CHD5: variants seen among roughly 807,000 people sequenced by gnomAD.
CHD5 encodes the protein ATP-dependent chromatin remodeler CHD5.
CHD5 carries 69 observed loss-of-function variants against 230.3 expected under a neutral mutation model. The ratio of observed to expected loss-of-function variants is 0.30; its 90% CI spans 0.25 to 0.37. The LOEUF (loss-of-function observed/expected upper bound fraction) is 0.37. Ranked by LOEUF, CHD5 falls within the 10% of genes least tolerant of loss-of-function variation. The pLI is 1.00. For synonymous variants in CHD5, 1,064 were observed against 1,065.9 expected (o/e 1.00, Z 0.03); for missense variants, 1,827 against 2,622.8 (o/e 0.70, Z 6.63).
chr1:6,112,130 A>G lies in CHD5; in HGVS notation c.5140+10T>C. On this transcript the variant is annotated intron_variant, in intron 35 of 41. Coordinates refer to ENST00000262450, the MANE Select transcript of CHD5 (RefSeq NM_015557.3). ...GCCTCAGCTCTCTGCCCAACCCCCA[A>G]CCCCAATACCCGTGAAGCCCCCGTC... 1 of 1,611,770 alleles carries G rather than the reference A, an allele frequency of 6.2e-7. No individual in the cohort carries two copies. The highest frequency in any genetic ancestry group is 8.5e-7 in the Non-Finnish European group (1 of 1,178,764).
rs1484112798 is a variant in CHD5, at chr1:6,119,862, A to ATT, written c.4912+1242_4912+1243insAA. Among the ~76,000 whole-genome samples, 371 of 127,066 alleles carry ATT rather than the reference A, an allele frequency of 2.9e-3. 2 individuals carry two copies. Among genetic ancestry groups the ATT allele is most frequent in the South Asian group, 7.4e-3 (27 of 3,648 alleles). 83.4% of individuals were successfully genotyped at this position (127,066 alleles called of 152,430 possible). Reference sequence around the variant, plus strand: ...ATATATGTGTGTATTATATATATATATATTTTTTTTTTTTCTGAGATTGAG... The same window carrying ATT: ...ATATATGTGTGTATTATATATATATATTTATTTTTTTTTTTTCTGAGATTGAG... On this transcript the variant is annotated intron_variant, in intron 33 of 41. Coordinates refer to ENST00000262450, the MANE Select transcript of CHD5 (RefSeq NM_015557.3).
At position 6,142,754 on chromosome 1, in the gene CHD5, A is replaced by C; in HGVS notation, c.2044-149T>G. ...AACTCTTCTCCAGTTCTTGGATGGAACACCTCTTCCTCTAGGAAGCCCTCC... is the reference window on the plus strand; with the variant it reads ...AACTCTTCTCCAGTTCTTGGATGGACCACCTCTTCCTCTAGGAAGCCCTCC... On this transcript the variant is annotated intron_variant, in intron 13 of 41. Transcript: ENST00000262450. The surrounding 1 kb of genome is among the most constrained non-coding windows in gnomAD (Gnocchi z 5.2). 2 of 917,534 alleles carry C rather than the reference A, an allele frequency of 2.2e-6. No homozygotes were observed. The highest frequency in any genetic ancestry group is 3.2e-6 in the Non-Finnish European group (2 of 634,504). 56.8% of individuals were successfully genotyped at this position (917,534 alleles called of 1,614,324 possible).
intron 15 of CHD5, among the ~76,000 whole-genome samples, chr1:6,140,820 G>A (rs1320356017): frequency 4.0e-5 from 6 of 151,546 alleles, no homozygotes; most frequent in Non-Finnish European, 5.9e-5. Flanking sequence ...AGCAACATAC[G>A]GAGAATCCAT....
At chr1:6,124,829 G>T (rs2273039) in intron 29 of CHD5, among the ~76,000 whole-genome samples, 168 bp from the exon 30 acceptor site, 1 of 152,100 alleles carries the variant, frequency 6.6e-6, no homozygotes, top group Non-Finnish European at 1.5e-5. Context: ...CCTCCCTGGC[G>T]AGGGGACCTC....
In CHD5 at chr1:6,180,316, C is replaced by A. The variant is rs956241406; in HGVS notation, c.-293G>T. On this transcript the variant is annotated 5_prime_UTR_variant, in exon 1 of 42. Transcript: ENST00000262450. The stretch of plus-strand genomic sequence containing the variant: ...GGCGGCGGCAGCGCCAGAGGCACGG[C>A]GGCACGGCGGGGGGGCGGCACACAT... Among the ~76,000 whole-genome samples, 1 of 151,330 alleles carries A rather than the reference C, an allele frequency of 6.6e-6. No homozygotes were observed. Among genetic ancestry groups the A allele is most frequent in the Non-Finnish European group, 1.5e-5 (1 of 67,776 alleles).
At position 6,134,351 on chromosome 1, in the gene CHD5, A is replaced by G; in HGVS notation, c.3013-92T>C. 6.9e-7 allele frequency: 1 copy of G among 1,448,260 alleles called. No homozygotes were observed. Among genetic ancestry groups the G allele is most frequent in the Non-Finnish European group, 9.4e-7 (1 of 1,058,778 alleles). The allele number at this position is 1,448,260 out of a possible 1,614,324, so 89.7% of individuals were successfully genotyped here. ...GGCCGCAGGGAACAGACAAGTGCTGAGCAATGGGGTGATGGCCTGTCTGCC... is the reference window on the plus strand; with the variant it reads ...GGCCGCAGGGAACAGACAAGTGCTGGGCAATGGGGTGATGGCCTGTCTGCC... On this transcript the variant is annotated intron_variant, in intron 19 of 41. Coordinates refer to ENST00000262450, the MANE Select transcript of CHD5 (RefSeq NM_015557.3). This position sits in a 1 kb window ranked among gnomAD's most constrained non-coding sequence, Gnocchi z 6.3.
In CHD5 at chr1:6,142,640, A is replaced by G. The variant is rs771100777; in HGVS notation, c.2044-35T>C. 6.3e-7 allele frequency: 1 copy of G among 1,576,932 alleles called. No individual in the cohort carries two copies. The highest frequency in any genetic ancestry group is 1.7e-5 in the Admixed American group (1 of 58,182). ...AGGCAGCGGTTCAGACACGCCCCAG[A>G]TCCTGGGCCACCAGAGTCCACACTA... On this transcript the variant is annotated intron_variant, in intron 13 of 41. Coordinates refer to ENST00000262450, the MANE Select transcript of CHD5 (RefSeq NM_015557.3). The surrounding 1 kb of genome is among the most constrained non-coding windows in gnomAD (Gnocchi z 5.2).
In CHD5 at chr1:6,106,433, A is replaced by G; in HGVS notation, c.5819T>C (p.Val1940Ala). Residue 1940 changes from valine to alanine, a missense_variant, in exon 40 of 42, where the codon GTC (valine) becomes GCC (alanine). Transcript: ENST00000262450. The stretch of plus-strand genomic sequence containing the variant: ...CCCCAGGGGCATCTGGTTGTAGTTG[A>G]CAATCCCTCCCGGTCCAGGGCCCCG... ...NFRGPGPGGIVNYNQMPLGPY... is the reference protein window; with the variant it reads ...NFRGPGPGGIANYNQMPLGPY... The G allele has an allele frequency of 6.3e-7, 1 of 1,581,242 alleles. No homozygotes were observed. Among genetic ancestry groups the G allele is most frequent in the Non-Finnish European group, 8.6e-7 (1 of 1,164,044 alleles).
At position 6,155,488 on chromosome 1, in the gene CHD5, C is replaced by G. The variant is rs1667066995; in HGVS notation, c.506+111G>C. On this transcript the variant is annotated intron_variant, in intron 4 of 41. Transcript: ENST00000262450. The surrounding 1 kb of genome is among the most constrained non-coding windows in gnomAD (Gnocchi z 4.0). ...CCCCCAGGTTGCTCAGTCGGTCTGACAGAGCCCACCCCTACCCCAGGTGCC... is the reference window on the plus strand; with the variant it reads ...CCCCCAGGTTGCTCAGTCGGTCTGAGAGAGCCCACCCCTACCCCAGGTGCC... 3.3e-6 allele frequency: 3 copies of G among 919,356 alleles called. No homozygotes were observed. The highest frequency in any genetic ancestry group is 3.9e-5 in the Admixed American group (2 of 51,408). 56.9% of individuals were successfully genotyped at this position (919,356 alleles called of 1,614,324 possible). A position where few individuals can be genotyped will look rare whatever the true frequency, so the allele number is the denominator to read the frequency against.
chr1:6,125,328 A>T lies in CHD5; in HGVS notation c.4261-95T>A. On this transcript the variant is annotated intron_variant, in intron 28 of 41. Coordinates refer to ENST00000262450, the MANE Select transcript of CHD5 (RefSeq NM_015557.3). This position sits in a 1 kb window ranked among gnomAD's most constrained non-coding sequence, Gnocchi z 6.7. ...GGGAAGAAAAGCATGGGAGGAGGAGAAGGTAGGAAGGGGGCACAGAGAAGG... is the reference window on the plus strand; with the variant it reads ...GGGAAGAAAAGCATGGGAGGAGGAGTAGGTAGGAAGGGGGCACAGAGAAGG... 7.7e-7 allele frequency: 1 copy of T among 1,292,916 alleles called. No individual in the cohort carries two copies. The highest frequency in any genetic ancestry group is 1.1e-6 in the Non-Finnish European group (1 of 944,054). The allele number at this position is 1,292,916 out of a possible 1,614,324, so 80.1% of individuals were successfully genotyped here. A position where few individuals can be genotyped will look rare whatever the true frequency, so the allele number is the denominator to read the frequency against.
chr1:6,152,390 GCGCACACA>G lies in CHD5; in HGVS notation c.870+14_870+21del. 3.7e-6 allele frequency: 6 copies of G among 1,605,910 alleles called. No individual in the cohort carries two copies. Among genetic ancestry groups the G allele is most frequent in the African/African-American group, 2.7e-5 (2 of 74,888 alleles). On this transcript the variant is annotated intron_variant, in intron 6 of 41. Coordinates refer to ENST00000262450, the MANE Select transcript of CHD5 (RefSeq NM_015557.3). ...CACATGCATGCAAATGCACACACAC[GCGCACACA>G]CGCACACACTCACCGAGGAGCCTTT...
chr1:6,105,707 C>T lies in CHD5; in HGVS notation c.*47-280G>A, dbSNP rs1421774878. Among the ~76,000 whole-genome samples, 7 of 152,298 alleles carry T rather than the reference C, an allele frequency of 4.6e-5. No homozygotes were observed. In the South Asian group the frequency reaches 1.0e-3, roughly 23 times the overall value. Reference sequence around the variant, plus strand: ...ACGGTTCCCACAGGGACAGACACAGCGTAGTGGAGGCTGGTGGCCCCAGAG... The same window carrying T: ...ACGGTTCCCACAGGGACAGACACAGTGTAGTGGAGGCTGGTGGCCCCAGAG... On this transcript the variant is annotated intron_variant, in intron 41 of 41. Transcript: ENST00000262450. The surrounding 1 kb of genome is among the most constrained non-coding windows in gnomAD (Gnocchi z 4.8).
chr1:6,167,196 C>T lies in CHD5; in HGVS notation c.207+954G>A, dbSNP rs1276661818. 3.3e-5 allele frequency among the ~76,000 whole-genome samples: 5 copies of T among 151,470 alleles called. No homozygotes were observed. Among genetic ancestry groups the T allele is most frequent in the East Asian group, 1.9e-4 (1 of 5,192 alleles). The stretch of plus-strand genomic sequence containing the variant: ...GTGGAGAGCTGGCCTCAGGTCCCCC[C>T]GGGGCAGGTGGGAGGGGAGAAACAC... On this transcript the variant is annotated intron_variant, in intron 2 of 41. Transcript: ENST00000262450. This position sits in a 1 kb window ranked among gnomAD's most constrained non-coding sequence, Gnocchi z 4.5.
At chr1:6,108,554 T>G (rs1666234535) in intron 38 of CHD5, among the ~76,000 whole-genome samples, 1 of 125,038 alleles carries the variant, frequency 8.0e-6, no homozygotes, top group African/African-American at 3.1e-5. Context: ...GATGAAGGGA[T>G]GGAGGTATGA....
At chr1:6,175,092 CATGGATGG>C (rs543267074) in intron 1 of CHD5, among the ~76,000 whole-genome samples, 95 of 121,264 alleles carry the variant, frequency 7.8e-4, no homozygotes, top group African/African-American at 2.8e-3. Flanking sequence ...TGGATGGATG[CATGGATGG>C]ATGGTGGATT....
rs995739725 is a variant in CHD5 at position 6,129,548 on chromosome 1, G to T, written c.3388-479C>A. Among the ~76,000 whole-genome samples, 2 of 152,194 alleles carry T rather than the reference G, an allele frequency of 1.3e-5. No homozygotes were observed. Among genetic ancestry groups the T allele is most frequent in the East Asian group, 3.9e-4 (2 of 5,192 alleles). On this transcript the variant is annotated intron_variant, in intron 22 of 41. Coordinates refer to ENST00000262450, the MANE Select transcript of CHD5 (RefSeq NM_015557.3). The surrounding 1 kb of genome is among the most constrained non-coding windows in gnomAD (Gnocchi z 6.8). ...TACAAGGAAGTGCCTGAGACTCTGTGCAGCCCTACATGAGGTGACCTGGGT... is the reference window on the plus strand; with the variant it reads ...TACAAGGAAGTGCCTGAGACTCTGTTCAGCCCTACATGAGGTGACCTGGGT...
At position 6,121,164 on chromosome 1, in the gene CHD5, C is replaced by G. The variant is rs754347862; in HGVS notation, c.4853G>C (p.Arg1618Pro). The G allele has an allele frequency of 1.2e-6, 2 of 1,614,052 alleles. No homozygotes were observed. The highest frequency in any genetic ancestry group is 3.3e-5 in the Admixed American group (2 of 59,988). ...HESPASKERAREERPEETEKA... is the reference protein window; with the variant it reads ...HESPASKERAPEERPEETEKA... Reference sequence around the variant, plus strand: ...CTCCGTCTCCTCTGGCCGCTCCTCTCGGGCTCTCTCCTTGCTGGCTGGGCT... The same window carrying G: ...CTCCGTCTCCTCTGGCCGCTCCTCTGGGGCTCTCTCCTTGCTGGCTGGGCT... Residue 1618 changes from arginine to proline, a missense_variant, in exon 33 of 42, where the codon CGA becomes CCA. By Grantham distance (103) the Arg-to-Pro change is moderately radical. Transcript: ENST00000262450. This position sits in a 1 kb window ranked among gnomAD's most constrained non-coding sequence, Gnocchi z 4.5.
rs1013767470 is a variant in CHD5, at chr1:6,112,141, C to T, written c.5139G>A (p.Thr1713=). The change falls in exon 35 of 42, where the codon ACG becomes ACA. Residue 1713 remains threonine (T), a splice_region_variant and synonymous_variant. Coordinates refer to ENST00000262450, the MANE Select transcript of CHD5 (RefSeq NM_015557.3). ...FMFNIADGGF[T]ELHTLWQNEE... is the part of the protein sequence containing the mutation. The stretch of plus-strand genomic sequence containing the variant: ...CTGCCCAACCCCCAACCCCAATACC[C>T]GTGAAGCCCCCGTCCGCGATGTTGA... The T allele has an allele frequency of 5.6e-6, 9 of 1,613,030 alleles. No homozygotes were observed. Among genetic ancestry groups the T allele is most frequent in the Middle Eastern group, 1.6e-4 (1 of 6,080 alleles).
At chr1:6,140,355 G>A (rs1313995894) in intron 15 of CHD5, among the ~76,000 whole-genome samples, 2 of 150,080 alleles carry the variant, frequency 1.3e-5, no homozygotes, top group Non-Finnish European at 3.0e-5. Flanking sequence ...AGCCCAGATC[G>A]CACCACTGCA....
Sources: gnomAD v4.1 joint callset for allele counts (sites outside exome capture counted in the v4.1 genomes callset) on GRCh38, gnomAD v4.1.1 for gene constraint, Gnocchi (gnomAD v3.1) non-coding constraint, MANE v1.5 for transcripts, NCBI Gene and HGNC (gene_info 2026-07-23, HGNC 2026-07-21) for gene names.